Variants in SEMA3D observed in about 807,000 individuals in gnomAD.
SEMA3D encodes semaphorin 3D, also known as semaphorin-3D.
Under a neutral mutation model 100.1 loss-of-function variants are expected in SEMA3D, and 84 were observed. That is an observed-to-expected ratio of 0.84 (90% CI 0.70 to 1.01). The LOEUF is 1.01. Among genes scored for constraint, SEMA3D ranks in the 50% least tolerant of loss-of-function variants. The probability of loss-of-function intolerance (pLI) is 0.00; values close to 1 mark genes in which losing one functional copy is unlikely to be tolerated. For missense variants in SEMA3D, 875 were observed against 934.1 expected, an observed-to-expected ratio of 0.94 and a Z score of 0.82; for synonymous variants, 312 against 320.7, an observed-to-expected ratio of 0.97 and a Z score of 0.29.
chr7:84,999,248 T>C lies in SEMA3D; in HGVS notation c.*192A>G, dbSNP rs1789583849. 3.5e-6 allele frequency: 2 copies of C among 568,906 alleles called. No individual in the cohort carries two copies. Among genetic ancestry groups the C allele is most frequent in the Admixed American group, 3.1e-5 (1 of 32,128 alleles). 35.2% of individuals were successfully genotyped at this position (568,906 alleles called of 1,614,324 possible). On this transcript the variant is annotated 3_prime_UTR_variant, in exon 19 of 19. Coordinates refer to ENST00000284136, the MANE Select transcript of SEMA3D (RefSeq NM_001384900.1). Reference sequence around the variant, plus strand: ...TTATACTTTGCTTGTGCAAGATTTGTTCTTGGAAAACTGGTTCAAATGAAT... The same window carrying C: ...TTATACTTTGCTTGTGCAAGATTTGCTCTTGGAAAACTGGTTCAAATGAAT...
At chr7:85,250,080 C>T in the SEMA3D span, among the ~76,000 whole-genome samples, 2 of 152,088 alleles carry the variant, frequency 1.3e-5, no homozygotes, top group African/African-American at 4.8e-5. Flanking sequence ...CAGGGAGTTC[C>T]CTTTCCTAGT....
intron 1 of SEMA3D, among the ~76,000 whole-genome samples, chr7:85,182,074 CTTCTT>C (rs1435883055): frequency 3.3e-5 from 5 of 151,698 alleles, no homozygotes; most frequent in African/African-American, 7.3e-5. Flanking sequence ...ATGGTGAATT[CTTCTT>C]TTCTTTTATC....
chr7:85,171,086 T>A (rs1322479273), intron 1 of SEMA3D, among the ~76,000 whole-genome samples: 2 of 151,996 alleles, frequency 1.3e-5, no homozygotes, highest in Admixed American at 1.3e-4. Flanking sequence ...TAATTGTGAC[T>A]CAAAAGTGAG....
the SEMA3D span, among the ~76,000 whole-genome samples, chr7:85,203,442 G>A: frequency 6.6e-6 from 1 of 152,118 alleles, no homozygotes; most frequent in South Asian, 2.1e-4. Context: ...AGAAAAACAT[G>A]CAACCGAACA....
At chr7:85,145,316 T>C (rs904407587) in intron 2 of SEMA3D, among the ~76,000 whole-genome samples, 3 of 152,178 alleles carry the variant, frequency 2.0e-5, no homozygotes, top group Non-Finnish European at 4.4e-5. Context: ...CTGAACAATA[T>C]ATCAAAAAGC....
At chr7:85,181,060 T>TA (rs755354032) in intron 1 of SEMA3D, among the ~76,000 whole-genome samples, 42 of 152,302 alleles carry the variant, frequency 2.8e-4, no homozygotes, top group Non-Finnish European at 5.1e-4. Context: ...GTCATTTTAA[T>TA]GCAATAATAT....
At chr7:85,075,905 G>A (rs200210752) in intron 5 of SEMA3D, among the ~76,000 whole-genome samples, 1 of 152,162 alleles carries the variant, frequency 6.6e-6, no homozygotes, top group South Asian at 2.1e-4. Flanking sequence ...TTAAGTCTCA[G>A]AAATCCTATG....
At chr7:85,199,287 T>C in the SEMA3D span, among the ~76,000 whole-genome samples, 22 of 151,316 alleles carry the variant, frequency 1.5e-4, no homozygotes, top group African/African-American at 4.8e-4. Context: ...CATAAGATTA[T>C]GTTGCTTAAG....
At chr7:85,150,088 A>T (rs1418585968) in intron 2 of SEMA3D, among the ~76,000 whole-genome samples, 1 of 152,054 alleles carries the variant, frequency 6.6e-6, no homozygotes, top group Non-Finnish European at 1.5e-5. Context: ...TGCCCAACAC[A>T]TACGCACTCA....
chr7:85,088,533 A>G (rs960018279), intron 4 of SEMA3D, among the ~76,000 whole-genome samples: 1 of 152,184 alleles, frequency 6.6e-6, no homozygotes, highest in African/African-American at 2.4e-5. Flanking sequence ...TAAAGAAAAA[A>G]ATGTCACTCT....
the SEMA3D span, among the ~76,000 whole-genome samples, chr7:85,212,662 T>C: frequency 1.2e-4 from 18 of 152,026 alleles, no homozygotes; most frequent in Admixed American, 1.0e-3. Flanking sequence ...TGAAATAAAT[T>C]AAGCTTTGTT....
At chr7:85,030,783 T>A (rs1790527050) in intron 12 of SEMA3D, among the ~76,000 whole-genome samples, 1 of 152,042 alleles carries the variant, frequency 6.6e-6, no homozygotes, top group South Asian at 2.1e-4. Context: ...CCTTTACAAA[T>A]CTTTCTTAGA....
chr7:85,074,991 G>T (rs181537680), intron 5 of SEMA3D, among the ~76,000 whole-genome samples: 1 of 152,260 alleles, frequency 6.6e-6, no homozygotes, highest in African/African-American at 2.4e-5. Flanking sequence ...GTATGAAAAT[G>T]TACATGATCA....
chr7:85,063,216 T>C (rs1162886272), intron 8 of SEMA3D, among the ~76,000 whole-genome samples: 3 of 152,132 alleles, frequency 2.0e-5, no homozygotes, highest in Admixed American at 2.0e-4. Flanking sequence ...CATTCAGGAA[T>C]TAAGCACAAA....
Position 85,141,321 on chromosome 7 carries a change from T to C in SEMA3D, c.-41+12287A>G, listed in dbSNP as rs895272042. On this transcript the variant is annotated intron_variant, in intron 2 of 18. Coordinates refer to ENST00000284136, the MANE Select transcript of SEMA3D (RefSeq NM_001384900.1). ...AATTTTAACATTGTCAAAAACTTAATAATTTATTTCAAAACCATATGTCAA... is the reference window on the plus strand; with the variant it reads ...AATTTTAACATTGTCAAAAACTTAACAATTTATTTCAAAACCATATGTCAA... 42 of 984,374 alleles carry C rather than the reference T, an allele frequency of 4.3e-5. No homozygotes were observed. The African/African-American group carries it at 7.0e-4, about 16-fold the overall frequency. 61.0% of individuals were successfully genotyped at this position (984,374 alleles called of 1,614,324 possible). A position where few individuals can be genotyped will look rare whatever the true frequency, so the allele number is the denominator to read the frequency against.
chr7:85,239,462 A>C, the SEMA3D span, among the ~76,000 whole-genome samples: 1 of 152,152 alleles, frequency 6.6e-6, no homozygotes, highest in African/African-American at 2.4e-5. Context: ...CAGCTTCCAA[A>C]ATGATGAGAA....
In SEMA3D at chr7:85,118,345, C is replaced by T. The variant is rs1314943361; in HGVS notation, c.151+3396G>A. Among the ~76,000 whole-genome samples, 2 of 151,966 alleles carry T rather than the reference C, an allele frequency of 1.3e-5. 1 individual carries two copies. Among genetic ancestry groups the T allele is most frequent in the South Asian group, 4.1e-4 (2 of 4,828 alleles). ...TGAACATCTGCATCACTTCAATTTG[C>T]CTTCCATTAACTGCATGTTTTCCTT... On this transcript the variant is annotated intron_variant, in intron 3 of 18. Coordinates refer to ENST00000284136, the MANE Select transcript of SEMA3D (RefSeq NM_001384900.1).
chr7:85,056,271 G>T (rs1791315646), intron 8 of SEMA3D, among the ~76,000 whole-genome samples: 1 of 151,912 alleles, frequency 6.6e-6, no homozygotes, highest in African/African-American at 2.4e-5. Flanking sequence ...GATGAATTTT[G>T]TGTAATTGCC....
chr7:85,245,119 C>A, the SEMA3D span, among the ~76,000 whole-genome samples: 80 of 152,228 alleles, frequency 5.3e-4, 1 homozygote, highest in South Asian at 0.016. Context: ...ATATGTATGG[C>A]ACATTAAGAT....
Sources: allele counts gnomAD v4.1 joint callset (sites outside exome capture counted in the v4.1 genomes callset), GRCh38; gene constraint gnomAD v4.1.1; transcripts MANE v1.5; gene names NCBI Gene and HGNC (gene_info 2026-07-23, HGNC 2026-07-21).